The following PLCB1 variants were observed in gnomAD, a reference collection of about 807,000 sequenced individuals.
PLCB1 encodes the protein 1-phosphatidylinositol 4,5-bisphosphate phosphodiesterase beta-1.
Under a neutral mutation model 161.8 loss-of-function variants are expected in PLCB1, and 46 were observed. The ratio of observed to expected loss-of-function variants is 0.28; its 90% CI spans 0.22 to 0.36. The LOEUF (loss-of-function observed/expected upper bound fraction) is 0.36, where lower values mean the gene tolerates loss of function less well. PLCB1 is among the 10% of genes least tolerant of loss of function. PLCB1 has a pLI of 1.00. For missense variants in PLCB1, 1,016 were observed against 1,472.5 expected (o/e 0.69, Z 5.07); for synonymous variants, 517 against 503.7 (o/e 1.03, Z -0.35).
At chr20:8,862,324 C>A (rs1987285883) in intron 31 of PLCB1, among the ~76,000 whole-genome samples, 1 of 152,210 alleles carries the variant, frequency 6.6e-6, no homozygotes, top group South Asian at 2.1e-4. Context: ...ATTCCATATG[C>A]TGCTGGATGA....
intron 3 of PLCB1, among the ~76,000 whole-genome samples, chr20:8,592,471 A>G (rs1987179583): frequency 1.3e-5 from 2 of 152,172 alleles, no homozygotes; most frequent in African/African-American, 4.8e-5. Context: ...TGGGGAACCT[A>G]TTGTTGGCAT....
At chr20:8,521,001 T>A (rs946941652) in intron 3 of PLCB1, among the ~76,000 whole-genome samples, 30 of 152,078 alleles carry the variant, frequency 2.0e-4, no homozygotes, top group African/African-American at 6.5e-4. Context: ...CTAAGACAAA[T>A]TAAATATAGA....
chr20:8,377,160 C>T (rs772194764), intron 3 of PLCB1, among the ~76,000 whole-genome samples: 8 of 152,046 alleles, frequency 5.3e-5, no homozygotes, highest in Non-Finnish European at 8.8e-5. Context: ...AAGCATAAAG[C>T]GGGATCGGAG....
At chr20:8,657,650 A>G (rs1404011253) in intron 8 of PLCB1, among the ~76,000 whole-genome samples, 5 of 152,090 alleles carry the variant, frequency 3.3e-5, no homozygotes, top group Admixed American at 2.0e-4. Context: ...TCTGAGCCAC[A>G]TTAGCGACAT....
At chr20:8,283,031 C>G (rs1211508723) in intron 2 of PLCB1, among the ~76,000 whole-genome samples, 1 of 152,164 alleles carries the variant, frequency 6.6e-6, no homozygotes, top group Non-Finnish European at 1.5e-5. Context: ...CTGCTGTCCT[C>G]CAACATTGCT....
At chr20:8,807,027 G>C (rs536869495) in intron 31 of PLCB1, among the ~76,000 whole-genome samples, 1 of 152,154 alleles carries the variant, frequency 6.6e-6, no homozygotes. Context: ...ATAGATTCCC[G>C]AGGGCTGTTG....
intron 3 of PLCB1, among the ~76,000 whole-genome samples, chr20:8,496,509 C>T (rs1002971134): frequency 6.6e-6 from 1 of 152,204 alleles, no homozygotes; most frequent in Admixed American, 6.5e-5. Context: ...TTGATTTGTA[C>T]CTTTACTTTG....
chr20:8,382,713 T>TA (rs1352638025), intron 3 of PLCB1, among the ~76,000 whole-genome samples: 1 of 150,468 alleles, frequency 6.6e-6, no homozygotes, highest in East Asian at 2.0e-4. Context: ...CATGCCTGGC[T>TA]AATTTTTGTA....
In PLCB1 at chr20:8,266,046, G is replaced by T. The variant is rs150218348; in HGVS notation, c.178-105336G>T. Among the ~76,000 whole-genome samples, 18 of 152,192 alleles carry T rather than the reference G, an allele frequency of 1.2e-4. 1 individual carries two copies. In the East Asian group the frequency reaches 2.5e-3, roughly 21 times the overall value. On this transcript the variant is annotated intron_variant, in intron 2 of 31. Coordinates refer to ENST00000338037, the MANE Select transcript of PLCB1 (RefSeq NM_015192.4). ...AATGCTAAGTTAACTTGCTGTTAAG[G>T]CTTTGGGTTCTTCTTTTTCAGTCGA...
rs527822579 is a variant in PLCB1 at position 8,338,031 on chromosome 20, C to T, written c.178-33351C>T. ...ATGATGCCCAGAAAGGTGCCTGTAA[C>T]CAAGACTGTGGTTCTCAGGAAGCCA... On this transcript the variant is annotated intron_variant, in intron 2 of 31. Coordinates refer to ENST00000338037, the MANE Select transcript of PLCB1 (RefSeq NM_015192.4). Among the ~76,000 whole-genome samples, 4 of 152,230 alleles carry T rather than the reference C, an allele frequency of 2.6e-5. No homozygotes were observed. In the East Asian group the frequency reaches 7.7e-4, roughly 29 times the overall value.
In PLCB1 at chr20:8,409,986, C is replaced by A. The variant is rs374935357; in HGVS notation, c.246+38536C>A. On this transcript the variant is annotated intron_variant, in intron 3 of 31. Transcript: ENST00000338037. The stretch of plus-strand genomic sequence containing the variant: ...GAGTCTGAGGAAAATGATCATAAAT[C>A]CATTTTCCTGATAGCTAAAAAAAAA... 2.0e-4 allele frequency among the ~76,000 whole-genome samples: 31 copies of A among 151,886 alleles called. No homozygotes were observed. The East Asian group carries it at 4.6e-3, about 23-fold the overall frequency.
chr20:8,790,041 G>T, intron 30 of PLCB1, 134 bp from the exon 31 acceptor site: 1 of 635,188 alleles, frequency 1.6e-6, no homozygotes. Context: ...TCCTATACTT[G>T]TAAGTGTAGT....
chr20:8,168,854 C>T (rs2051703407), intron 2 of PLCB1, among the ~76,000 whole-genome samples: 1 of 151,464 alleles, frequency 6.6e-6, no homozygotes, highest in Non-Finnish European at 1.5e-5. Flanking sequence ...GGATTCTTTA[C>T]TGCAGAAAAA....
intron 2 of PLCB1, among the ~76,000 whole-genome samples, chr20:8,314,705 T>C (rs149252021): frequency 6.6e-6 from 1 of 152,306 alleles, no homozygotes; most frequent in East Asian, 1.9e-4. Context: ...TAAGTAGTGG[T>C]AAAAATTACA....
At chr20:8,806,264 C>T (rs1568606907) in intron 31 of PLCB1, among the ~76,000 whole-genome samples, 1 of 151,986 alleles carries the variant, frequency 6.6e-6, no homozygotes, top group Admixed American at 6.6e-5. Context: ...CCGTGTTCAT[C>T]GCATCTGCTG....
chr20:8,619,658 C>G (rs1002862531), intron 3 of PLCB1, among the ~76,000 whole-genome samples: 1 of 151,966 alleles, frequency 6.6e-6, no homozygotes, highest in East Asian at 1.9e-4. Flanking sequence ...TATGAGTTGC[C>G]TAATTTACAA....
chr20:8,768,188 CAAA>C, intron 26 of PLCB1, among the ~76,000 whole-genome samples: 1 of 151,910 alleles, frequency 6.6e-6, no homozygotes, highest in East Asian at 1.9e-4. Flanking sequence ...CAAAACAAAA[CAAA>C]AAAACAAAAT....
intron 2 of PLCB1, among the ~76,000 whole-genome samples, chr20:8,217,881 C>T (rs1188178880): frequency 1.3e-5 from 2 of 152,114 alleles, no homozygotes; most frequent in East Asian, 3.9e-4. Flanking sequence ...CAGTTTCACT[C>T]TTTTGCCCTT....
chr20:8,413,530 A>C (rs1568666496), intron 3 of PLCB1, among the ~76,000 whole-genome samples: 1 of 152,222 alleles, frequency 6.6e-6, no homozygotes, highest in Non-Finnish European at 1.5e-5. Context: ...AACATTTGAG[A>C]TAGGCCAAGT....
Sources: allele counts gnomAD v4.1 joint callset (sites outside exome capture counted in the v4.1 genomes callset), GRCh38; gene constraint gnomAD v4.1.1; transcripts MANE v1.5; gene names NCBI Gene and HGNC (gene_info 2026-07-23, HGNC 2026-07-21).